SOHLH2: variants seen among roughly 807,000 people sequenced by gnomAD.
SOHLH2 encodes the protein spermatogenesis and oogenesis specific basic helix-loop-helix 2.
SOHLH2 carries 22 observed loss-of-function variants against 50.4 expected under a neutral mutation model. The ratio of observed to expected loss-of-function variants is 0.44; its 90% CI spans 0.31 to 0.62. The LOEUF is 0.62. Ranked by LOEUF, SOHLH2 falls within the 20% of genes least tolerant of loss-of-function variation. The pLI is 0.08. For synonymous variants in SOHLH2, 185 were observed against 187.3 expected, an observed-to-expected ratio of 0.99 and a Z score of 0.10; for missense variants, 412 against 504.4, an observed-to-expected ratio of 0.82 and a Z score of 1.76.
chr13:36,207,047 CTTATT>C (rs1260802622), intron 1 of SOHLH2, among the ~76,000 whole-genome samples: 4 of 151,816 alleles, frequency 2.6e-5, no homozygotes, highest in Non-Finnish European at 4.4e-5. Context: ...TTCATACCCC[CTTATT>C]TTAAACTTTT....
Position 36,173,723 on chromosome 13 carries a change from A to C in SOHLH2, c.969T>G (p.Asp323Glu), listed in dbSNP as rs760880934. 13 of 1,613,562 alleles carry C rather than the reference A, an allele frequency of 8.1e-6. 1 individual carries two copies. In the South Asian group the frequency reaches 1.3e-4, roughly 16 times the overall value. Reference sequence around the variant, plus strand: ...CAGCTTCATCCAAGGAGCTCTCTGCATCAGGAGTGGAGCACCCATTCCAGC... The same window carrying C: ...CAGCTTCATCCAAGGAGCTCTCTGCCTCAGGAGTGGAGCACCCATTCCAGC... Reference protein sequence around the residue: ...NTCWNGCSTPDAESSLDEAVR... With the variant: ...NTCWNGCSTPEAESSLDEAVR... The change falls in exon 9 of 11, where the codon GAT becomes GAG. Residue 323 changes from aspartate (D) to glutamate (E), a missense_variant. Physicochemically the swap from Asp to Glu is conservative, Grantham distance 45. Coordinates refer to ENST00000379881, the MANE Select transcript of SOHLH2 (RefSeq NM_017826.3).
intron 6 of SOHLH2, among the ~76,000 whole-genome samples, chr13:36,186,597 C>G (rs532199523): frequency 6.6e-6 from 1 of 152,266 alleles, no homozygotes; most frequent in South Asian, 2.1e-4. Flanking sequence ...AGTGAATAGA[C>G]ACCCCCAAAA....
chr13:36,184,600 C>T (rs939013291), intron 6 of SOHLH2, among the ~76,000 whole-genome samples: 1 of 151,840 alleles, frequency 6.6e-6, no homozygotes, highest in African/African-American at 2.4e-5. Context: ...GCTGGGACTA[C>T]AGGCGCCTGC....
Position 36,185,492 on chromosome 13 carries a change from A to T in SOHLH2, c.641+4454T>A, listed in dbSNP as rs1005766987. ...AAAACAAACAAACACACAAACAAAC[A>T]AAAAACCCACAAAGTATAGAAAGAC... On this transcript the variant is annotated intron_variant, in intron 6 of 10. Transcript: ENST00000379881. Among the ~76,000 whole-genome samples, 12 of 152,236 alleles carry T rather than the reference A, an allele frequency of 7.9e-5. No homozygotes were observed. The South Asian group carries it at 8.3e-4, about 11-fold the overall frequency.
chr13:36,197,284 G>T (rs1371214014), intron 2 of SOHLH2, among the ~76,000 whole-genome samples: 3 of 152,154 alleles, frequency 2.0e-5, no homozygotes, highest in Non-Finnish European at 2.9e-5. Context: ...GATATTCTGG[G>T]TTCCATTCCT....
chr13:36,200,221 C>T (rs1303146876), intron 2 of SOHLH2, among the ~76,000 whole-genome samples: 1 of 152,160 alleles, frequency 6.6e-6, no homozygotes, highest in Admixed American at 6.5e-5. Flanking sequence ...GATGAGTTCC[C>T]AGCCAAGGGA....
intron 2 of SOHLH2, among the ~76,000 whole-genome samples, chr13:36,194,467 A>T (rs1327306326): frequency 2.0e-5 from 3 of 152,190 alleles, no homozygotes; most frequent in African/African-American, 7.2e-5. Context: ...ACAGTATTTT[A>T]GATTTGTCTT....
chr13:36,197,647 G>A (rs992004571), intron 2 of SOHLH2, among the ~76,000 whole-genome samples: 2 of 152,146 alleles, frequency 1.3e-5, no homozygotes, highest in Non-Finnish European at 2.9e-5. Context: ...TATTCTGTCC[G>A]TGGGCTAAAT....
chr13:36,207,252 T>A (rs1186191746), intron 1 of SOHLH2, among the ~76,000 whole-genome samples: 1 of 152,082 alleles, frequency 6.6e-6, no homozygotes, highest in Non-Finnish European at 1.5e-5. Context: ...ATTTACAATT[T>A]AATGTGAAAT....
At chr13:36,169,840 A>G (rs1042190311) in intron 10 of SOHLH2, among the ~76,000 whole-genome samples, 1 of 152,170 alleles carries the variant, frequency 6.6e-6, no homozygotes, top group African/African-American at 2.4e-5. Flanking sequence ...GTATTTCTCC[A>G]GGGGTGAGCA....
Position 36,214,514 on chromosome 13 carries a change from T to C in SOHLH2, c.13A>G (p.Ile5Val), listed in dbSNP as rs1566050104. The change falls in exon 1 of 11, where the codon ATT (isoleucine) becomes GTT (valine). Residue 5 changes from isoleucine (I) to valine (V), a missense_variant. By Grantham distance (29) the Ile-to-Val change is conservative. Coordinates refer to ENST00000379881, the MANE Select transcript of SOHLH2 (RefSeq NM_017826.3). Reference protein sequence around the residue: MASSIICQEHCQISG... With the variant: MASSVICQEHCQISG... ...ATCTGGCAGTGCTCCTGGCAGATAA[T>C]TGAGGAAGCCATGGCCGCTGCGCAC... The C allele has an allele frequency of 6.2e-7, 1 of 1,612,660 alleles. No homozygotes were observed.
rs759311989 is a variant in SOHLH2, at chr13:36,174,832, G to C, written c.679C>G (p.Leu227Val). The C allele has an allele frequency of 6.2e-7, 1 of 1,604,426 alleles. No individual in the cohort carries two copies. The highest frequency in any genetic ancestry group is 8.5e-7 in the Non-Finnish European group (1 of 1,177,452). Residue 227 changes from leucine to valine, a missense_variant, in exon 7 of 11, where the codon CTC becomes GTC. Leu to Val is a conservative substitution (Grantham distance 32). Coordinates refer to ENST00000379881, the MANE Select transcript of SOHLH2 (RefSeq NM_017826.3). ...TTTCTCCCTTTTACATACGGCAAGA[G>C]AGTACGCAGCTGCTCACAGCAATAT... ...IKYCCEQLRT[L>V]LPYVKGRKND...
In SOHLH2 at chr13:36,199,080, C is replaced by A. The variant is rs541413979; in HGVS notation, c.263+2799G>T. On this transcript the variant is annotated intron_variant, in intron 2 of 10. Coordinates refer to ENST00000379881, the MANE Select transcript of SOHLH2 (RefSeq NM_017826.3). Reference sequence around the variant, plus strand: ...TAGTCATTAAATATTAGCCCAAACTCAAAAGATGTAGTGCTTTAGGATAGA... The same window carrying A: ...TAGTCATTAAATATTAGCCCAAACTAAAAAGATGTAGTGCTTTAGGATAGA... 8.5e-5 allele frequency among the ~76,000 whole-genome samples: 13 copies of A among 152,270 alleles called. No individual in the cohort carries two copies. The East Asian group carries it at 2.5e-3, about 29-fold the overall frequency.
chr13:36,178,976 G>A (rs565295744), intron 6 of SOHLH2, among the ~76,000 whole-genome samples: 25 of 151,938 alleles, frequency 1.6e-4, no homozygotes, highest in Non-Finnish European at 3.4e-4. Flanking sequence ...CCCTGTTATA[G>A]TCATTCTTTG....
chr13:36,209,594 C>G (rs961290770), intron 1 of SOHLH2, among the ~76,000 whole-genome samples: 3 of 152,176 alleles, frequency 2.0e-5, no homozygotes, highest in African/African-American at 7.2e-5. Flanking sequence ...TTCACAAGGG[C>G]TCCTCCCTTA....
chr13:36,173,075 G>A (rs1436676198), intron 9 of SOHLH2, among the ~76,000 whole-genome samples: 6 of 152,160 alleles, frequency 3.9e-5, no homozygotes, highest in South Asian at 2.1e-4. Flanking sequence ...GAAAGCATTT[G>A]TTCCACAATG....
intron 2 of SOHLH2, among the ~76,000 whole-genome samples, chr13:36,198,132 T>A (rs555342477): frequency 6.6e-6 from 1 of 152,126 alleles, no homozygotes; most frequent in African/African-American, 2.4e-5. Context: ...GGGGAAGAAA[T>A]GAAATCAGAT....
At chr13:36,182,130 C>T (rs1887273754) in intron 6 of SOHLH2, 3 of 985,232 alleles carry the variant, frequency 3.0e-6, no homozygotes, top group Non-Finnish European at 3.6e-6. Context: ...TGTCCTTGTA[C>T]TTTATGTCCC....
intron 6 of SOHLH2, among the ~76,000 whole-genome samples, chr13:36,180,533 G>A (rs548838082): frequency 6.6e-6 from 1 of 151,662 alleles, no homozygotes; most frequent in African/African-American, 2.4e-5. Flanking sequence ...AGCTAGACGT[G>A]TGCCATAGTG....
Sources: allele counts gnomAD v4.1 joint callset (sites outside exome capture counted in the v4.1 genomes callset), GRCh38; gene constraint gnomAD v4.1.1; transcripts MANE v1.5; gene names NCBI Gene and HGNC (gene_info 2026-07-23, HGNC 2026-07-21).